The following ASIC2 variants were observed in gnomAD, a reference collection of about 807,000 sequenced individuals.
ASIC2 encodes acid sensing ion channel subunit 2.
ASIC2 carries 25 observed loss-of-function variants against 57.3 expected under a neutral mutation model. The ratio of observed to expected loss-of-function variants is 0.44; its 90% CI spans 0.32 to 0.61. ASIC2 has a LOEUF of 0.61. Ranked by LOEUF, ASIC2 falls within the 20% of genes least tolerant of loss-of-function variation. ASIC2 has a pLI of 0.06. For synonymous variants in ASIC2, 319 were observed against 307.5 expected (o/e 1.04, Z -0.39); for missense variants, 641 against 738.1 (o/e 0.87, Z 1.52).
chr17:33,706,921 C>G (rs1000440335), intron 1 of ASIC2, among the ~76,000 whole-genome samples: 4 of 152,202 alleles, frequency 2.6e-5, no homozygotes, highest in African/African-American at 4.8e-5. Flanking sequence ...TTCTGTCTCT[C>G]TTTCTTCGTT....
chr17:33,961,958 G>A (rs534961948), intron 1 of ASIC2, among the ~76,000 whole-genome samples: 14 of 152,270 alleles, frequency 9.2e-5, no homozygotes, highest in East Asian at 5.8e-4. Flanking sequence ...CAATATCAGC[G>A]TAAAACTCAC....
intron 1 of ASIC2, among the ~76,000 whole-genome samples, chr17:33,719,429 C>A (rs922846444): frequency 6.6e-6 from 1 of 152,208 alleles, no homozygotes; most frequent in Admixed American, 6.5e-5. Flanking sequence ...CTGCTGCTAG[C>A]GCACAGAGCT....
chr17:33,023,796 T>C, intron 6 of ASIC2, 65 bp downstream of exon 6: 2 of 1,593,620 alleles, frequency 1.3e-6, no homozygotes, highest in African/African-American at 1.3e-5. Context: ...TCCTCCTTGA[T>C]TGCCTCCAAT....
intron 1 of ASIC2, among the ~76,000 whole-genome samples, chr17:33,862,229 C>A (rs77478633): frequency 0.029 from 4,448 of 152,272 alleles, 200 homozygotes; most frequent in African/African-American, 0.1. Context: ...GCAAAACCTT[C>A]TTTTAATATT....
At chr17:33,443,406 A>ATTTTT (rs779597047) in intron 1 of ASIC2, among the ~76,000 whole-genome samples, 26 of 75,256 alleles carry the variant, frequency 3.5e-4, no homozygotes, top group East Asian at 3.7e-4. Context: ...GGAGGGTAAG[A>ATTTTT]TTTTTTTTTT....
rs991579719 is a variant in ASIC2, at chr17:33,626,405, T to G, written c.556-514338A>C. Reference sequence around the variant, plus strand: ...AATTATTAAATTTAGATTCACTAGCTTTTTTAAACATTAGTTTTGCCTTTG... The same window carrying G: ...AATTATTAAATTTAGATTCACTAGCGTTTTTAAACATTAGTTTTGCCTTTG... On this transcript the variant is annotated intron_variant, in intron 1 of 9. Transcript: ENST00000359872. Among the ~76,000 whole-genome samples, 2 of 152,340 alleles carry G rather than the reference T, an allele frequency of 1.3e-5. 1 individual carries two copies. The highest frequency in any genetic ancestry group is 4.1e-4 in the South Asian group (2 of 4,828).
intron 1 of ASIC2, among the ~76,000 whole-genome samples, chr17:34,075,821 T>C (rs974829118): frequency 1.2e-3 from 149 of 129,050 alleles, no homozygotes; most frequent in African/African-American, 4.1e-3. Flanking sequence ...TTTTTCTTTT[T>C]CCTTTTTTTT....
intron 1 of ASIC2, among the ~76,000 whole-genome samples, chr17:33,997,717 T>A (rs1233353488): frequency 6.6e-6 from 1 of 152,196 alleles, no homozygotes; most frequent in Non-Finnish European, 1.5e-5. Flanking sequence ...ATCCTAGGGA[T>A]AAATCCCACT....
chr17:33,544,548 T>C (rs1325118620), intron 1 of ASIC2, among the ~76,000 whole-genome samples: 1 of 152,200 alleles, frequency 6.6e-6, no homozygotes, highest in East Asian at 1.9e-4. Flanking sequence ...TTAAAAATGT[T>C]AGACTCAACA....
chr17:33,447,912 C>CAAAA (rs34092157), intron 1 of ASIC2, among the ~76,000 whole-genome samples: 49 of 73,018 alleles, frequency 6.7e-4, no homozygotes, highest in East Asian at 3.1e-3. Flanking sequence ...GACTCAGTCT[C>CAAAA]AAAAAAAAAA....
intron 1 of ASIC2, among the ~76,000 whole-genome samples, chr17:33,725,860 C>T (rs1048213635): frequency 6.6e-6 from 1 of 152,154 alleles, no homozygotes; most frequent in African/African-American, 2.4e-5. Flanking sequence ...CAACCTTCTG[C>T]ACTGACCCCA....
chr17:34,020,787 A>G (rs1363994341), intron 1 of ASIC2, among the ~76,000 whole-genome samples: 1 of 152,084 alleles, frequency 6.6e-6, no homozygotes, highest in African/African-American at 2.4e-5. Flanking sequence ...CCCCGCCCGC[A>G]CCGTGATTTC....
intron 1 of ASIC2, among the ~76,000 whole-genome samples, chr17:33,530,376 G>A (rs1462138802): frequency 6.6e-6 from 1 of 152,182 alleles, no homozygotes; most frequent in Admixed American, 6.5e-5. Flanking sequence ...TGCTTGGGCT[G>A]GAAAAAGAAA....
chr17:33,785,117 G>A (rs970163905), intron 1 of ASIC2, among the ~76,000 whole-genome samples: 7 of 152,010 alleles, frequency 4.6e-5, no homozygotes, highest in African/African-American at 1.4e-4. Flanking sequence ...AAAAAAATGA[G>A]GGCATTAGGG....
At chr17:33,750,980 A>T (rs1910412589) in intron 1 of ASIC2, among the ~76,000 whole-genome samples, 1 of 152,144 alleles carries the variant, frequency 6.6e-6, no homozygotes, top group Non-Finnish European at 1.5e-5. Flanking sequence ...ATTTAAATAC[A>T]GATTGGGTTG....
intron 5 of ASIC2, among the ~76,000 whole-genome samples, chr17:33,025,722 C>T (rs1024594555): frequency 6.6e-6 from 1 of 152,080 alleles, no homozygotes; most frequent in Non-Finnish European, 1.5e-5. Context: ...TCCTCTTGCA[C>T]CAGTTCCCTT....
chr17:33,265,577 G>C (rs1909428113), intron 1 of ASIC2, among the ~76,000 whole-genome samples: 1 of 152,084 alleles, frequency 6.6e-6, no homozygotes, highest in Non-Finnish European at 1.5e-5. Context: ...CTAGGTGACG[G>C]GTTGATAGGT....
At position 33,629,028 on chromosome 17, in the gene ASIC2, C is replaced by G. The variant is rs150184433; in HGVS notation, c.556-516961G>C. On this transcript the variant is annotated intron_variant, in intron 1 of 9. Transcript: ENST00000359872. ...CTCAGCTTTGGGTGAGGGCTGACCT[C>G]CGAGGAGTCACAGCTGCCTTCATCC... Among the ~76,000 whole-genome samples the G allele has an allele frequency of 2.3e-3, 347 of 152,278 alleles. 1 individual carries two copies. Among genetic ancestry groups the G allele is most frequent in the African/African-American group, 7.8e-3 (326 of 41,570 alleles).
chr17:33,417,382 A>G (rs985550543), intron 1 of ASIC2, among the ~76,000 whole-genome samples: 2 of 152,186 alleles, frequency 1.3e-5, no homozygotes, highest in Non-Finnish European at 2.9e-5. Context: ...GGAATAATCT[A>G]TTGCAAGAAT....
Sources: gnomAD v4.1 joint callset for allele counts (sites outside exome capture counted in the v4.1 genomes callset) on GRCh38, gnomAD v4.1.1 for gene constraint, MANE v1.5 for transcripts, NCBI Gene and HGNC (gene_info 2026-07-23, HGNC 2026-07-21) for gene names.